The following CYP7B1 variants were observed in gnomAD, a reference collection of about 807,000 sequenced individuals.
CYP7B1 encodes the protein cytochrome P450 family 7 subfamily B member 1.
A neutral mutation model predicts 42.7 loss-of-function variants in CYP7B1; 29 were observed. That is an observed-to-expected ratio of 0.68 (90% confidence interval 0.51 to 0.93). The LOEUF (loss-of-function observed/expected upper bound fraction) is 0.93, where lower values mean the gene tolerates loss of function less well. CYP7B1 is among the 40% of genes least tolerant of loss of function. The probability of loss-of-function intolerance (pLI) is 0.00; values close to 1 mark genes in which losing one functional copy is unlikely to be tolerated. For synonymous variants in CYP7B1, 235 were observed against 218.2 expected, an observed-to-expected ratio of 1.08 and a Z score of -0.68; for missense variants, 655 against 600.5, an observed-to-expected ratio of 1.09 and a Z score of -0.95.
At chr8:64,664,909 T>C (rs1163963857) in intron 1 of CYP7B1, among the ~76,000 whole-genome samples, 1 of 152,088 alleles carries the variant, frequency 6.6e-6, no homozygotes, top group African/African-American at 2.4e-5. Context: ...CCAAGCCAAC[T>C]ACAATTTGGC....
intron 1 of CYP7B1, among the ~76,000 whole-genome samples, chr8:64,705,497 T>C (rs1170647678): frequency 2.6e-5 from 4 of 151,548 alleles, no homozygotes; most frequent in African/African-American, 7.3e-5. Flanking sequence ...TATCCTAATT[T>C]GATGTTGCAA....
chr8:64,762,145 C>T (rs530905266), intron 1 of CYP7B1, among the ~76,000 whole-genome samples: 1 of 152,222 alleles, frequency 6.6e-6, no homozygotes, highest in South Asian at 2.1e-4. Flanking sequence ...AGCCCAAAAA[C>T]CTACTATAGT....
chr8:64,753,180 C>G (rs1807755804), intron 1 of CYP7B1, among the ~76,000 whole-genome samples: 1 of 152,118 alleles, frequency 6.6e-6, no homozygotes, highest in African/African-American at 2.4e-5. Context: ...AAACAATAGA[C>G]TTATATTTGG....
At chr8:64,598,053 C>T (rs8192906) in intron 5 of CYP7B1, among the ~76,000 whole-genome samples, 161 of 152,110 alleles carry the variant, frequency 1.1e-3, no homozygotes, top group African/African-American at 3.6e-3. Flanking sequence ...TCCTTTAAAA[C>T]TATTAGGTTT....
At chr8:64,653,681 G>T (rs1476421214) in intron 1 of CYP7B1, among the ~76,000 whole-genome samples, 1 of 152,138 alleles carries the variant, frequency 6.6e-6, no homozygotes, top group Non-Finnish European at 1.5e-5. Context: ...CCAAAACCTG[G>T]CAGAAGCACA....
At chr8:64,771,047 C>CT (rs757503820) in intron 1 of CYP7B1, among the ~76,000 whole-genome samples, 1,063 of 42,424 alleles carry the variant, frequency 0.025, 334 homozygotes, top group Middle Eastern at 0.091. Context: ...ATATCAGCAT[C>CT]TTTTTTTTTT....
At chr8:64,656,469 G>A (rs1369877209) in intron 1 of CYP7B1, among the ~76,000 whole-genome samples, 1 of 152,128 alleles carries the variant, frequency 6.6e-6, no homozygotes, top group Non-Finnish European at 1.5e-5. Context: ...TCCTGACCAC[G>A]AAAGCCCCAC....
In CYP7B1 at chr8:64,717,622, G is replaced by A. The variant is rs1052353771; in HGVS notation, c.122+80844C>T. Among the ~76,000 whole-genome samples the A allele has an allele frequency of 1.9e-4, 29 of 152,000 alleles. 1 individual carries two copies. The highest frequency in any genetic ancestry group is 6.8e-4 in the African/African-American group (28 of 41,352). ...AATCCCAGCACTTTGGGAGGCCAGCGCAGGAGGATTGCTTGAGCCCAGGAG... is the reference window on the plus strand; with the variant it reads ...AATCCCAGCACTTTGGGAGGCCAGCACAGGAGGATTGCTTGAGCCCAGGAG... On this transcript the variant is annotated intron_variant, in intron 1 of 5. Transcript: ENST00000310193.
At chr8:64,687,015 T>G (rs1403106615) in intron 1 of CYP7B1, among the ~76,000 whole-genome samples, 1 of 139,202 alleles carries the variant, frequency 7.2e-6, no homozygotes, top group Non-Finnish European at 1.5e-5. Flanking sequence ...GTCCTCTGCC[T>G]AGGAAAACCA....
At chr8:64,716,815 T>TA (rs1312315495) in intron 1 of CYP7B1, among the ~76,000 whole-genome samples, 4 of 152,234 alleles carry the variant, frequency 2.6e-5, no homozygotes, top group Non-Finnish European at 5.9e-5. Flanking sequence ...AGTGTTCTCT[T>TA]AATGTCAGTT....
At chr8:64,636,200 A>G (rs1481559470) in intron 1 of CYP7B1, among the ~76,000 whole-genome samples, 2 of 152,138 alleles carry the variant, frequency 1.3e-5, no homozygotes, top group African/African-American at 2.4e-5. Context: ...CATGACTGCA[A>G]TAGCCTCCTG....
intron 1 of CYP7B1, among the ~76,000 whole-genome samples, chr8:64,744,879 T>C (rs1455539381): frequency 6.6e-6 from 1 of 152,170 alleles, no homozygotes; most frequent in Non-Finnish European, 1.5e-5. Context: ...TTAAACCACA[T>C]TTTTACTAGG....
At chr8:64,727,515 T>G (rs946739019) in intron 1 of CYP7B1, among the ~76,000 whole-genome samples, 2 of 152,174 alleles carry the variant, frequency 1.3e-5, no homozygotes, top group Non-Finnish European at 2.9e-5. Flanking sequence ...ACAAAGGACC[T>G]AAGTTTTTGA....
chr8:64,715,284 G>T (rs183107567), intron 1 of CYP7B1, among the ~76,000 whole-genome samples: 3 of 152,106 alleles, frequency 2.0e-5, no homozygotes, highest in African/African-American at 7.2e-5. Context: ...ACTGTAAAAA[G>T]AATAACTAAT....
intron 1 of CYP7B1, among the ~76,000 whole-genome samples, chr8:64,670,269 T>C (rs1806345606): frequency 6.6e-6 from 1 of 152,208 alleles, no homozygotes; most frequent in Non-Finnish European, 1.5e-5. Flanking sequence ...TTTACACCAA[T>C]GTTCCTATTC....
chr8:64,657,157 A>C (rs2129631329), intron 1 of CYP7B1, among the ~76,000 whole-genome samples: 1 of 152,234 alleles, frequency 6.6e-6, no homozygotes, highest in African/African-American at 2.4e-5. Context: ...AGAAGGAAGC[A>C]GATAAAACAA....
chr8:64,612,185 C>A (rs8192899), intron 4 of CYP7B1, among the ~76,000 whole-genome samples: 86,875 of 151,752 alleles, frequency 0.57, 25,639 homozygotes, highest in Middle Eastern at 0.64. Flanking sequence ...AATCCTACCT[C>A]CACCCCAGAT....
At position 64,746,661 on chromosome 8, in the gene CYP7B1, A is replaced by T. The variant is rs1263141235; in HGVS notation, c.122+51805T>A. Among the ~76,000 whole-genome samples the T allele has an allele frequency of 3.3e-5, 5 of 152,226 alleles. No individual in the cohort carries two copies. In the East Asian group the frequency reaches 9.6e-4, roughly 29 times the overall value. On this transcript the variant is annotated intron_variant, in intron 1 of 5. Transcript: ENST00000310193. ...AGAAATATTTTAATTTCAAAAACAA[A>T]TTATTAGAAACAGGAAAGTAAACGT...
At chr8:64,745,147 CA>C (rs1484307501) in intron 1 of CYP7B1, among the ~76,000 whole-genome samples, 63 of 152,168 alleles carry the variant, frequency 4.1e-4, no homozygotes, top group Non-Finnish European at 7.4e-5. Flanking sequence ...CAAGGACAAC[CA>C]AAAAGCTTAA....
Sources: allele counts gnomAD v4.1 joint callset (sites outside exome capture counted in the v4.1 genomes callset), GRCh38; gene constraint gnomAD v4.1.1; transcripts MANE v1.5; gene names NCBI Gene and HGNC (gene_info 2026-07-23, HGNC 2026-07-21).